TPH2: variants seen among roughly 807,000 people sequenced by gnomAD.
TPH2 encodes tryptophan 5-hydroxylase 2.
Under a neutral mutation model 59.1 loss-of-function variants are expected in TPH2, and 27 were observed. That is an observed-to-expected ratio of 0.46 (90% CI 0.34 to 0.63). TPH2 has a LOEUF of 0.63. Ranked by LOEUF, TPH2 falls within the 30% of genes least tolerant of loss-of-function variation. The pLI is 0.01. For synonymous variants in TPH2, 220 were observed against 210.5 expected (o/e 1.05, Z -0.39); for missense variants, 523 against 588.3 (o/e 0.89, Z 1.15).
chr12:72,015,315 GTTTTTTTTTTTTTT>G (rs869231666), intron 8 of TPH2, among the ~76,000 whole-genome samples: 1 of 98,974 alleles, frequency 1.0e-5, no homozygotes, highest in Non-Finnish European at 2.1e-5. Flanking sequence ...TTTTTTGGTT[GTTTTTTTTTTTTTT>G]TTTTTTTTGA....
Position 72,032,291 on chromosome 12 carries a change from C to G in TPH2, c.*596C>G, listed in dbSNP as rs1044375156. ...TTTACAAATGGAATTATGTAGGTTG[C>G]GTTGACCTTGTAGAACCTGAGTTAT... On this transcript the variant is annotated 3_prime_UTR_variant, in exon 11 of 11. Coordinates refer to ENST00000333850, the MANE Select transcript of TPH2 (RefSeq NM_173353.4). 1 of 155,670 alleles carries G rather than the reference C, an allele frequency of 6.4e-6. No homozygotes were observed. The highest frequency in any genetic ancestry group is 2.4e-5 in the African/African-American group (1 of 41,398). The allele number at this position is 155,670 out of a possible 1,614,324, so 9.6% of individuals were successfully genotyped here.
chr12:72,024,566 T>TGGG (rs1873517848), intron 9 of TPH2, among the ~76,000 whole-genome samples: 1 of 152,254 alleles, frequency 6.6e-6, no homozygotes, highest in Admixed American at 6.5e-5. Flanking sequence ...GAGTGTTTCT[T>TGGG]GATTTCCCTG....
At position 71,988,453 on chromosome 12, in the gene TPH2, T is replaced by C. The variant is rs114656069; in HGVS notation, c.942-5986T>C. ...GACCTCAGGAAGCTTCCAATCATGA[T>C]GGAAGACAAAAAGAGAACACTTCAC... is the stretch of plus-strand genomic sequence containing the variant. On this transcript the variant is annotated intron_variant, in intron 7 of 10. Coordinates refer to ENST00000333850, the MANE Select transcript of TPH2 (RefSeq NM_173353.4). Among the ~76,000 whole-genome samples, 199 of 152,200 alleles carry C rather than the reference T, an allele frequency of 1.3e-3. 1 individual carries two copies. Among genetic ancestry groups the C allele is most frequent in the African/African-American group, 4.2e-3 (175 of 41,520 alleles).
intron 5 of TPH2, among the ~76,000 whole-genome samples, chr12:71,957,633 A>C (rs1871548213): frequency 6.6e-6 from 1 of 152,050 alleles, no homozygotes; most frequent in Non-Finnish European, 1.5e-5. Flanking sequence ...ACTGCACCAG[A>C]CTCTAAAGGA....
chr12:71,993,477 C>T (rs775478652), intron 7 of TPH2, among the ~76,000 whole-genome samples: 23 of 152,176 alleles, frequency 1.5e-4, no homozygotes, highest in Non-Finnish European at 2.5e-4. Flanking sequence ...CTTGGTATCA[C>T]GGAACAGTTC....
At chr12:72,003,428 C>T (rs1269816121) in intron 8 of TPH2, among the ~76,000 whole-genome samples, 1 of 152,170 alleles carries the variant, frequency 6.6e-6, no homozygotes, top group African/African-American at 2.4e-5. Context: ...TCATTACTTT[C>T]ACTTTTATGT....
intron 5 of TPH2, among the ~76,000 whole-genome samples, chr12:71,965,714 C>T (rs1245580550): frequency 6.6e-6 from 1 of 152,150 alleles, no homozygotes; most frequent in East Asian, 1.9e-4. Context: ...GATATTAGAC[C>T]TTTGTCAGAT....
chr12:71,995,924 T>C (rs1861586261), intron 8 of TPH2, among the ~76,000 whole-genome samples: 1 of 152,234 alleles, frequency 6.6e-6, no homozygotes, highest in African/African-American at 2.4e-5. Flanking sequence ...ATTTGTAACT[T>C]CTGGTATAAG....
rs1232947883 is a variant in TPH2 at position 71,944,458 on chromosome 12, C to T, written c.420C>T (p.Asn140=). Residue 140 remains asparagine, a synonymous_variant, in exon 3 of 11, where the codon AAC becomes AAT. Transcript: ENST00000333850. Reference sequence around the variant, plus strand: ...TTGTGACGCTGAATCCTCCAGAGAACATTTGGACAGAGGAAGAAGGCAAGG... The same window carrying T: ...TTGTGACGCTGAATCCTCCAGAGAATATTTGGACAGAGGAAGAAGGCAAGG... ...TTIVTLNPPE[N]IWTEEEELED... is the part of the protein sequence containing the mutation. 6.2e-7 allele frequency: 1 copy of T among 1,613,958 alleles called. No individual in the cohort carries two copies. Among genetic ancestry groups the T allele is most frequent in the Admixed American group, 1.7e-5 (1 of 59,988 alleles).
intron 8 of TPH2, among the ~76,000 whole-genome samples, chr12:72,002,293 A>G (rs1277864455): frequency 6.6e-6 from 1 of 152,210 alleles, no homozygotes; most frequent in Non-Finnish European, 1.5e-5. Flanking sequence ...TACAGTTATA[A>G]GCAGAATCAC....
intron 5 of TPH2, among the ~76,000 whole-genome samples, chr12:71,957,581 C>T (rs909924943): frequency 1.3e-5 from 2 of 152,146 alleles, no homozygotes; most frequent in South Asian, 2.1e-4. Context: ...AACAATCCTC[C>T]TGCCTCGGCC....
chr12:72,014,606 G>T (rs1218070455), intron 8 of TPH2, among the ~76,000 whole-genome samples: 1 of 151,984 alleles, frequency 6.6e-6, no homozygotes, highest in Non-Finnish European at 1.5e-5. Context: ...GGCCAGGCTG[G>T]TCTCAAACTC....
At chr12:71,946,014 A>G (rs1871188706) in intron 4 of TPH2, among the ~76,000 whole-genome samples, 1 of 152,138 alleles carries the variant, frequency 6.6e-6, no homozygotes, top group African/African-American at 2.4e-5. Context: ...TCCAGAAGGC[A>G]TCAGAATTAG....
In TPH2 at chr12:71,963,571, G is replaced by T. The variant is rs1389011678; in HGVS notation, c.609-8948G>T. Among the ~76,000 whole-genome samples, 2 of 49,210 alleles carry T rather than the reference G, an allele frequency of 4.1e-5. 1 individual carries two copies. Among genetic ancestry groups the T allele is most frequent in the African/African-American group, 1.2e-4 (2 of 17,316 alleles). The allele number at this position is 49,210 out of a possible 152,430, so 32.3% of individuals were successfully genotyped here. ...CACACCTGTAATCCCAGCTCTTTGG[G>T]AGGCCGAGGTGGGCGGATCACGAGG... On this transcript the variant is annotated intron_variant, in intron 5 of 10. Coordinates refer to ENST00000333850, the MANE Select transcript of TPH2 (RefSeq NM_173353.4).
intron 8 of TPH2, among the ~76,000 whole-genome samples, chr12:72,013,534 CT>C: frequency 6.6e-6 from 1 of 152,274 alleles, no homozygotes; most frequent in South Asian, 2.1e-4. Context: ...TCTTGCAGTC[CT>C]TCTAAGATCC....
At chr12:71,957,941 C>T (rs1871557777) in intron 5 of TPH2, among the ~76,000 whole-genome samples, 1 of 152,204 alleles carries the variant, frequency 6.6e-6, no homozygotes, top group African/African-American at 2.4e-5. Flanking sequence ...TCAGCTAACA[C>T]TTTCAGATTG....
chr12:71,990,876 TATAAC>T (rs570241186), intron 7 of TPH2, among the ~76,000 whole-genome samples: 49 of 152,218 alleles, frequency 3.2e-4, no homozygotes, highest in African/African-American at 1.2e-4. Context: ...CATTTCTACT[TATAAC>T]AGAGCAAAGA....
chr12:72,031,429 T>G, intron 10 of TPH2, 38 bp downstream of exon 10: 2 of 1,613,138 alleles, frequency 1.2e-6, no homozygotes, highest in Non-Finnish European at 1.7e-6. Context: ...GAAAATAACT[T>G]TTTATTTTTC....
intron 6 of TPH2, among the ~76,000 whole-genome samples, chr12:71,974,201 C>A (rs1872052769): frequency 6.6e-6 from 1 of 152,096 alleles, no homozygotes; most frequent in Non-Finnish European, 1.5e-5. Context: ...TCTAAGGACT[C>A]CCCTGAATTC....
Sources: gnomAD v4.1 joint callset for allele counts (sites outside exome capture counted in the v4.1 genomes callset) on GRCh38, gnomAD v4.1.1 for gene constraint, MANE v1.5 for transcripts, NCBI Gene and HGNC (gene_info 2026-07-23, HGNC 2026-07-21) for gene names.